Variants in NME7 observed in about 807,000 individuals in gnomAD.
NME7 encodes NME/NM23 family member 7, also known as nucleoside diphosphate kinase 7.
A neutral mutation model predicts 49.1 loss-of-function variants in NME7; 41 were observed. The ratio of observed to expected loss-of-function variants is 0.83; its 90% CI spans 0.65 to 1.08. The LOEUF is 1.08. Among genes scored for constraint, NME7 ranks in the 50% least tolerant of loss-of-function variants. The pLI is 0.00. For synonymous variants in NME7, 139 were observed against 150.6 expected (o/e 0.92, Z 0.56); for missense variants, 423 against 463.4 (o/e 0.91, Z 0.80).
At chr1:169,173,406 A>G (rs989986886) in intron 10 of NME7, among the ~76,000 whole-genome samples, 5 of 152,182 alleles carry the variant, frequency 3.3e-5, no homozygotes, top group Non-Finnish European at 7.4e-5. Context: ...TTATCCATTA[A>G]TAAACCTCAG....
chr1:169,337,093 G>C (rs905061849), intron 1 of NME7, among the ~76,000 whole-genome samples: 1 of 152,248 alleles, frequency 6.6e-6, no homozygotes, highest in Non-Finnish European at 1.5e-5. Flanking sequence ...CAGCCCTTGG[G>C]TGGTCGATGG....
chr1:169,167,545 C>G (rs1001741948), intron 11 of NME7, among the ~76,000 whole-genome samples: 69 of 152,054 alleles, frequency 4.5e-4, no homozygotes, highest in African/African-American at 1.6e-3. Flanking sequence ...TATTTATTTA[C>G]AGTTTCCTTC....
chr1:169,244,354 C>T (rs1648217329), intron 7 of NME7, among the ~76,000 whole-genome samples: 1 of 152,106 alleles, frequency 6.6e-6, no homozygotes, highest in Admixed American at 6.5e-5. Flanking sequence ...AGTTGTTGGC[C>T]AGGTGCGGTG....
intron 1 of NME7, 121 bp downstream of exon 1, chr1:169,367,587 A>C: frequency 9.2e-7 from 1 of 1,087,044 alleles, no homozygotes. Context: ...GAAGGGGGAA[A>C]GAGATAACGG....
At chr1:169,132,961 A>G (rs1455409447) in intron 11 of NME7, 144 bp from the exon 12 acceptor site, 10 of 571,914 alleles carry the variant, frequency 1.7e-5, no homozygotes, top group Non-Finnish European at 2.8e-5. Flanking sequence ...AATCAGAGGC[A>G]GAGAATCGAT....
intron 6 of NME7, among the ~76,000 whole-genome samples, chr1:169,290,344 C>T (rs1402632403): frequency 6.6e-6 from 1 of 152,000 alleles, no homozygotes; most frequent in Non-Finnish European, 1.5e-5. Context: ...AGAACAGAGG[C>T]CTCACAAGTA....
chr1:169,334,884 C>T (rs1266636376), intron 1 of NME7, among the ~76,000 whole-genome samples: 1 of 151,920 alleles, frequency 6.6e-6, no homozygotes, highest in Non-Finnish European at 1.5e-5. Flanking sequence ...AAACAAACAA[C>T]CCCATCCAAA....
At chr1:169,245,316 C>T (rs1017797372) in intron 7 of NME7, among the ~76,000 whole-genome samples, 5 of 152,120 alleles carry the variant, frequency 3.3e-5, no homozygotes, top group African/African-American at 7.2e-5. Context: ...CAAAACCCTA[C>T]TCACGAGCAT....
At chr1:169,204,877 C>G (rs1281037197) in intron 10 of NME7, among the ~76,000 whole-genome samples, 1 of 151,968 alleles carries the variant, frequency 6.6e-6, no homozygotes, top group African/African-American at 2.4e-5. Flanking sequence ...GTTCTTTGGG[C>G]AAGCTTAGTA....
At chr1:169,366,599 GC>G (rs1653867022) in intron 1 of NME7, among the ~76,000 whole-genome samples, 1 of 152,218 alleles carries the variant, frequency 6.6e-6, no homozygotes, top group Non-Finnish European at 1.5e-5. Flanking sequence ...GAGATCAAGA[GC>G]AAAGATGGAT....
intron 5 of NME7, among the ~76,000 whole-genome samples, chr1:169,301,535 C>T (rs1242423878): frequency 6.6e-6 from 1 of 152,098 alleles, no homozygotes; most frequent in Admixed American, 6.6e-5. Context: ...GAACTTAAAA[C>T]AGAGCTACCA....
chr1:169,139,252 G>A (rs1358584015), intron 11 of NME7, among the ~76,000 whole-genome samples: 3 of 152,140 alleles, frequency 2.0e-5, no homozygotes, highest in African/African-American at 7.2e-5. Flanking sequence ...AAAAAATGAA[G>A]TTCTTGCTAC....
rs1647922301 is a variant in NME7 at position 169,237,789 on chromosome 1, CTATATT to C, written c.755-108_755-103del. ...TAGCAAAGTACTTTTTGTTTATACTCTATATTTAAAAAAACACATATTTTGCAAGAG... is the reference window on the plus strand; with the variant it reads ...TAGCAAAGTACTTTTTGTTTATACTCTAAAAAAACACATATTTTGCAAGAG... On this transcript the variant is annotated intron_variant, in intron 7 of 11. Transcript: ENST00000367811. The C allele has an allele frequency of 2.0e-5, 15 of 757,000 alleles. No individual in the cohort carries two copies. In the Middle Eastern group the frequency reaches 3.3e-3, roughly 169 times the overall value. 46.9% of individuals were successfully genotyped at this position (757,000 alleles called of 1,614,324 possible).
At chr1:169,156,613 T>C (rs1404696953) in intron 11 of NME7, among the ~76,000 whole-genome samples, 2 of 152,226 alleles carry the variant, frequency 1.3e-5, no homozygotes, top group Non-Finnish European at 2.9e-5. Context: ...TTAAATACAG[T>C]TCTTAAGTCA....
At chr1:169,293,105 G>A (rs1650571696) in intron 6 of NME7, among the ~76,000 whole-genome samples, 1 of 151,690 alleles carries the variant, frequency 6.6e-6, no homozygotes. Flanking sequence ...GACCAGACTG[G>A]GCAATATCAC....
intron 10 of NME7, among the ~76,000 whole-genome samples, chr1:169,175,509 C>CT (rs1438051881): frequency 6.6e-6 from 1 of 152,092 alleles, no homozygotes; most frequent in East Asian, 1.9e-4. Flanking sequence ...AGTGGCAGCA[C>CT]AGTAGGTTTA....
At chr1:169,349,938 C>T (rs1653090158) in intron 1 of NME7, among the ~76,000 whole-genome samples, 1 of 152,048 alleles carries the variant, frequency 6.6e-6, no homozygotes. Context: ...TGCCTGTAAT[C>T]CCAGCACTTT....
At chr1:169,227,147 C>T (rs575203603) in intron 10 of NME7, among the ~76,000 whole-genome samples, 37 of 152,242 alleles carry the variant, frequency 2.4e-4, no homozygotes, top group African/African-American at 8.2e-4. Context: ...GCATTGTTTT[C>T]TTTTCGAGAC....
At chr1:169,200,079 A>G (rs1660503760) in intron 10 of NME7, among the ~76,000 whole-genome samples, 1 of 152,016 alleles carries the variant, frequency 6.6e-6, no homozygotes, top group South Asian at 2.1e-4. Flanking sequence ...CAAACTCCAG[A>G]AAGTAAAAAA....
Sources: gnomAD v4.1 joint callset for allele counts (sites outside exome capture counted in the v4.1 genomes callset) on GRCh38, gnomAD v4.1.1 for gene constraint, MANE v1.5 for transcripts, NCBI Gene and HGNC (gene_info 2026-07-23, HGNC 2026-07-21) for gene names.